The following UBE3A variants were observed in gnomAD, a reference collection of about 807,000 sequenced individuals.
UBE3A encodes the protein ubiquitin protein ligase E3A.
UBE3A carries 6 observed loss-of-function variants against 83.4 expected under a neutral mutation model. That is an observed-to-expected ratio of 0.07 (90% CI 0.04 to 0.14). UBE3A has a LOEUF of 0.14. Among genes scored for constraint, UBE3A ranks in the 10% least tolerant of loss-of-function variants. The pLI is 1.00. For synonymous variants in UBE3A, 337 were observed against 355.4 expected, an observed-to-expected ratio of 0.95 and a Z score of 0.58; for missense variants, 456 against 1,036.1, an observed-to-expected ratio of 0.44 and a Z score of 7.69.
rs1595797160 is a variant in UBE3A at position 25,370,297 on chromosome 15, A to G, written c.1608+269T>C. 6.6e-6 allele frequency among the ~76,000 whole-genome samples: 1 copy of G among 152,312 alleles called. No homozygotes were observed. The highest frequency in any genetic ancestry group is 1.5e-5 in the Non-Finnish European group (1 of 68,018). On this transcript the variant is annotated intron_variant, in intron 6 of 12. Transcript: ENST00000648336. This position sits in a 1 kb window ranked among gnomAD's most constrained non-coding sequence, Gnocchi z 4.2. Reference sequence around the variant, plus strand: ...AACACTCTATTCTCTTCTGAATGAAAGAAACTTTGGATTTAGTTTTCAAGA... The same window carrying G: ...AACACTCTATTCTCTTCTGAATGAAGGAAACTTTGGATTTAGTTTTCAAGA...
intron 1 of UBE3A, among the ~76,000 whole-genome samples, chr15:25,429,340 T>C (rs1470300123): frequency 6.6e-6 from 1 of 152,208 alleles, no homozygotes; most frequent in Non-Finnish European, 1.5e-5. Context: ...AAAATGGACA[T>C]AATTTATATT....
Position 25,438,534 on chromosome 15 carries a change from C to A in UBE3A, c.-210G>T. ...GGGCTGCGGCGGCCGCCTCACTGGT[C>A]GTAGTCGCCCTCGCCCGCCGCCTCC... On this transcript the variant is annotated 5_prime_UTR_variant, in exon 1 of 13. Coordinates refer to ENST00000648336, the MANE Select transcript of UBE3A (RefSeq NM_130839.5). 1 of 153,386 alleles carries A rather than the reference C, an allele frequency of 6.5e-6. No individual in the cohort carries two copies. The highest frequency in any genetic ancestry group is 1.9e-4 in the South Asian group (1 of 5,290). 9.5% of individuals were successfully genotyped at this position (153,386 alleles called of 1,614,324 possible).
At chr15:25,367,174 T>A (rs576164102) in intron 6 of UBE3A, among the ~76,000 whole-genome samples, 2 of 96,932 alleles carry the variant, frequency 2.1e-5, no homozygotes, top group Admixed American at 8.6e-5. Flanking sequence ...TATATTTACA[T>A]ATTTGTAAAT....
Position 25,355,894 on chromosome 15 carries a change from T to C in UBE3A, c.2122A>G (p.Lys708Glu), listed in dbSNP as rs2077160904. Residue 708 changes from lysine to glutamate, a missense_variant and splice_region_variant, in exon 9 of 13, where the codon AAG becomes GAG. Physicochemically the swap from Lys to Glu is moderately conservative, Grantham distance 56 (BLOSUM62 1). This residue lies in a region of UBE3A where 82 missense variants were observed against 199.3 expected (regional missense o/e 0.41). Transcript: ENST00000648336. ...TGTGACATAAAAACATTTATTACCTTCCTGTTTTCATTTGTAATTGGAATT... is the reference window on the plus strand; with the variant it reads ...TGTGACATAAAAACATTTATTACCTCCCTGTTTTCATTTGTAATTGGAATT... ...DKIPITNENR[K>E]EFVNLYSDYI... The C allele has an allele frequency of 1.9e-6, 3 of 1,611,882 alleles. No homozygotes were observed. The highest frequency in any genetic ancestry group is 2.5e-6 in the Non-Finnish European group (3 of 1,178,832).
chr15:25,405,988 G>T (rs1164393886), intron 3 of UBE3A, among the ~76,000 whole-genome samples: 1 of 152,138 alleles, frequency 6.6e-6, no homozygotes, highest in African/African-American at 2.4e-5. Context: ...AAGTTTTATT[G>T]GGATGCAGCC....
intron 3 of UBE3A, chr15:25,407,713 A>G (rs1012511313): frequency 4.6e-5 from 7 of 152,254 alleles, no homozygotes; most frequent in African/African-American, 1.7e-4. Context: ...TTACCTTAAA[A>G]TAAATCTGTC....
intron 1 of UBE3A, among the ~76,000 whole-genome samples, chr15:25,434,990 ACACACAC>A (rs1894605376): frequency 6.6e-6 from 1 of 151,000 alleles, no homozygotes; most frequent in Non-Finnish European, 1.5e-5. Flanking sequence ...ACACACACAC[ACACACAC>A]ACACACACAC....
At chr15:25,419,048 T>C (rs1383662249) in intron 1 of UBE3A, 1 of 152,174 alleles carries the variant, frequency 6.6e-6, no homozygotes, top group Non-Finnish European at 1.5e-5. Flanking sequence ...TAAACAGTTG[T>C]TACAATGTAT....
intron 6 of UBE3A, among the ~76,000 whole-genome samples, chr15:25,366,373 A>G (rs902936688): frequency 2.6e-5 from 4 of 152,176 alleles, no homozygotes; most frequent in African/African-American, 9.7e-5. Context: ...GTGTTCACCA[A>G]TGCTGGAAGC....
rs527861026 is a variant in UBE3A, at chr15:25,402,760, G to C, written c.62+2701C>G. ...GGTGTGACACAAGTAATGTAAAACT[G>C]TCCTTCTTACCCTTTTCAATGTGTC... On this transcript the variant is annotated intron_variant, in intron 4 of 12. Transcript: ENST00000648336. 3.3e-5 allele frequency among the ~76,000 whole-genome samples: 5 copies of C among 152,314 alleles called. No individual in the cohort carries two copies. The East Asian group carries it at 9.7e-4, about 29-fold the overall frequency.
rs368425414 is a variant in UBE3A at position 25,339,090 on chromosome 15, CTTT to C, written c.*44_*46del. 14 of 1,461,788 alleles carry C rather than the reference CTTT, an allele frequency of 9.6e-6. No homozygotes were observed. The East Asian group carries it at 2.5e-4, about 27-fold the overall frequency. The allele number at this position is 1,461,788 out of a possible 1,614,324, so 90.6% of individuals were successfully genotyped here. A position where few individuals can be genotyped will look rare whatever the true frequency, so the allele number is the denominator to read the frequency against. ...ATTTTTAAAATTTTTTAAATTTTTTCTTTTTTTTTCCTTCCTTTTTTTTGTTTT... is the reference window on the plus strand; with the variant it reads ...ATTTTTAAAATTTTTTAAATTTTTTCTTTTTTCCTTCCTTTTTTTTGTTTT... On this transcript the variant is annotated 3_prime_UTR_variant, in exon 13 of 13. Coordinates refer to ENST00000648336, the MANE Select transcript of UBE3A (RefSeq NM_130839.5).
chr15:25,416,848 C>G (rs1887120824), intron 1 of UBE3A, among the ~76,000 whole-genome samples: 1 of 152,108 alleles, frequency 6.6e-6, no homozygotes, highest in Non-Finnish European at 1.5e-5. Context: ...GAGCCATCCA[C>G]TGCTTGGATG....
intron 11 of UBE3A, among the ~76,000 whole-genome samples, chr15:25,343,896 G>C (rs192414693): frequency 1.3e-5 from 2 of 152,106 alleles, no homozygotes; most frequent in Non-Finnish European, 1.5e-5. Flanking sequence ...CTCAAAAATT[G>C]TAACTATAGT....
intron 3 of UBE3A, among the ~76,000 whole-genome samples, chr15:25,406,263 A>G (rs998087701): frequency 6.6e-6 from 1 of 152,186 alleles, no homozygotes; most frequent in Non-Finnish European, 1.5e-5. Context: ...CCCTAAAAAT[A>G]CACTTACTGT....
intron 6 of UBE3A, among the ~76,000 whole-genome samples, chr15:25,367,234 AATATGTAAATATTTGCAT>A (rs1403637003): frequency 1.3e-5 from 1 of 75,284 alleles, no homozygotes; most frequent in East Asian, 5.4e-4. Flanking sequence ...CATATTTGTA[AATATGTAAATATTTGCAT>A]ATTTGTAAAT....
At chr15:25,360,718 C>T (rs1249570840) in intron 6 of UBE3A, among the ~76,000 whole-genome samples, 191 bp from the exon 7 acceptor site, 1 of 152,122 alleles carries the variant, frequency 6.6e-6, no homozygotes, top group Non-Finnish European at 1.5e-5. Flanking sequence ...ATCAAAAAGA[C>T]AGACACAAAA....
intron 8 of UBE3A, among the ~76,000 whole-genome samples, 184 bp from the exon 9 acceptor site, chr15:25,356,240 G>C (rs2077194425): frequency 1.3e-5 from 2 of 151,648 alleles, no homozygotes; most frequent in Non-Finnish European, 1.5e-5. Flanking sequence ...CAGTCACTGT[G>C]ATGTCCCATT....
intron 4 of UBE3A, among the ~76,000 whole-genome samples, chr15:25,397,113 T>A (rs1022184851): frequency 1.3e-5 from 2 of 152,194 alleles, no homozygotes; most frequent in African/African-American, 4.8e-5. Context: ...TCACTGAAAG[T>A]GCTGCCTGGC....
At chr15:25,406,272 G>A (rs1245071571) in intron 3 of UBE3A, among the ~76,000 whole-genome samples, 1 of 152,140 alleles carries the variant, frequency 6.6e-6, no homozygotes, top group Non-Finnish European at 1.5e-5. Context: ...TACACTTACT[G>A]TATGTATTAC....
Sources: gnomAD v4.1 joint callset for allele counts (sites outside exome capture counted in the v4.1 genomes callset) on GRCh38, gnomAD v4.1.1 for gene constraint, gnomAD v4.1.1 regional missense constraint, Gnocchi (gnomAD v3.1) non-coding constraint, MANE v1.5 for transcripts, NCBI Gene and HGNC (gene_info 2026-07-23, HGNC 2026-07-21) for gene names.